GARRE1: variants seen among roughly 807,000 people sequenced by gnomAD.
GARRE1 encodes granule associated Rac and RHOG effector protein 1.
A neutral mutation model predicts 103.2 loss-of-function variants in GARRE1; 49 were observed. The observed-to-expected ratio is 0.47, with a 90% CI of 0.38 to 0.60. GARRE1 has a LOEUF of 0.60. Ranked by LOEUF, GARRE1 falls within the 20% of genes least tolerant of loss-of-function variation. The pLI is 0.00. For synonymous variants in GARRE1, 505 were observed against 532.8 expected (o/e 0.95, Z 0.72); for missense variants, 1,199 against 1,370.5 (o/e 0.87, Z 1.98).
At chr19:34,266,248 T>C (rs960785140) in intron 1 of GARRE1, among the ~76,000 whole-genome samples, 14 of 152,262 alleles carry the variant, frequency 9.2e-5, no homozygotes. Context: ...TCTCTGGGGC[T>C]GTCTTCCCTG....
rs35804155 is a variant in GARRE1, at chr19:34,280,932, GTT to G, written c.-795-18733_-795-18732del. Among the ~76,000 whole-genome samples the G allele has an allele frequency of 8.6e-5, 12 of 139,566 alleles. No individual in the cohort carries two copies. In the East Asian group the frequency reaches 2.1e-3, roughly 24 times the overall value. 91.6% of individuals were successfully genotyped at this position (139,566 alleles called of 152,430 possible). ...ACAATTAAGATGTAAATTCCAGTAGGTTTTTTTTTTTTTTTAGTAGAACTAGG... is the reference window on the plus strand; with the variant it reads ...ACAATTAAGATGTAAATTCCAGTAGGTTTTTTTTTTTTTAGTAGAACTAGG... On this transcript the variant is annotated intron_variant, in intron 1 of 13. Coordinates refer to ENST00000299505, the MANE Select transcript of GARRE1 (RefSeq NM_014686.5).
chr19:34,308,195 C>T lies in GARRE1; in HGVS notation c.495+7227C>T, dbSNP rs537190911. Among the ~76,000 whole-genome samples the T allele has an allele frequency of 8.8e-5, 13 of 147,606 alleles. No individual in the cohort carries two copies. The South Asian group carries it at 2.1e-3, about 24-fold the overall frequency. On this transcript the variant is annotated intron_variant, in intron 2 of 13. Transcript: ENST00000299505. ...ATATTAGAAGCTGGTTTCAAAAATA[C>T]GATTTGCATTAACCTTAATGGAATT... is the stretch of plus-strand genomic sequence containing the variant.
chr19:34,327,900 A>G (rs748566294), intron 5 of GARRE1, 34 bp downstream of exon 5: 16 of 1,612,906 alleles, frequency 9.9e-6, no homozygotes, highest in East Asian at 4.5e-5. Flanking sequence ...CTGGGGACCT[A>G]TGGCGCTGCT....
intron 2 of GARRE1, among the ~76,000 whole-genome samples, chr19:34,317,774 T>C (rs1217634547): frequency 6.6e-6 from 1 of 152,178 alleles, no homozygotes; most frequent in Non-Finnish European, 1.5e-5. Flanking sequence ...CATAGGGTGG[T>C]TCCTGGGATT....
At chr19:34,269,140 T>C (rs1364649564) in intron 1 of GARRE1, among the ~76,000 whole-genome samples, 1 of 152,218 alleles carries the variant, frequency 6.6e-6, no homozygotes, top group African/African-American at 2.4e-5. Context: ...TAAAAGCTCT[T>C]CAGAACCGCT....
intron 2 of GARRE1, among the ~76,000 whole-genome samples, chr19:34,317,777 C>T (rs1483979100): frequency 6.6e-6 from 1 of 152,210 alleles, no homozygotes; most frequent in Non-Finnish European, 1.5e-5. Context: ...AGGGTGGTTC[C>T]TGGGATTGAA....
intron 2 of GARRE1, among the ~76,000 whole-genome samples, chr19:34,308,711 C>G (rs1362851894): frequency 1.3e-5 from 2 of 152,166 alleles, no homozygotes; most frequent in Non-Finnish European, 2.9e-5. Context: ...CATGTGCAAC[C>G]AACTCATTAT....
intron 2 of GARRE1, among the ~76,000 whole-genome samples, chr19:34,319,638 G>A (rs1302595819): frequency 6.6e-6 from 1 of 152,068 alleles, no homozygotes; most frequent in African/African-American, 2.4e-5. Flanking sequence ...AGACAGGATT[G>A]GGGGTTACTT....
intron 1 of GARRE1, among the ~76,000 whole-genome samples, chr19:34,282,516 G>A (rs560467579): frequency 4.4e-4 from 67 of 152,286 alleles, no homozygotes; most frequent in African/African-American, 1.5e-3. Flanking sequence ...TTCTTTTCAG[G>A]TGTTTTTTCT....
At chr19:34,352,199 C>T (rs1041085932) in intron 13 of GARRE1, among the ~76,000 whole-genome samples, 15 of 151,992 alleles carry the variant, frequency 9.9e-5, no homozygotes, top group African/African-American at 2.7e-4. Context: ...GTCAGGAGAT[C>T]GAGACTATCC....
rs376333510 is a variant in GARRE1 at position 34,328,007 on chromosome 19, G to A, written c.960G>A (p.Ala320=). The A allele has an allele frequency of 9.3e-5, 150 of 1,614,112 alleles. 1 individual carries two copies. In the Middle Eastern group the frequency reaches 1.3e-3, roughly 14 times the overall value. Residue 320 remains alanine (A), a synonymous_variant, in exon 6 of 14, where the codon GCG becomes GCA. Coordinates refer to ENST00000299505, the MANE Select transcript of GARRE1 (RefSeq NM_014686.5). ...TTTTCCAGGGCTGCTGCAGCGAGGC[G>A]GAAGCCCAGCAGACGGGGCGGAGGC... ...EASLQGCCSE[A]EAQQTGRRQT...
rs547904037 is a variant in GARRE1 at position 34,325,210 on chromosome 19, C to T, written c.706-2211C>T. Among the ~76,000 whole-genome samples, 30 of 152,270 alleles carry T rather than the reference C, an allele frequency of 2.0e-4. No individual in the cohort carries two copies. In the South Asian group the frequency reaches 6.2e-3, roughly 32 times the overall value. On this transcript the variant is annotated intron_variant, in intron 3 of 13. Coordinates refer to ENST00000299505, the MANE Select transcript of GARRE1 (RefSeq NM_014686.5). The stretch of plus-strand genomic sequence containing the variant: ...ACACAATTTCTGAATGTGAGTTTCT[C>T]CAGGCTCAGTTCTAGCTGCCCTTCT...
In GARRE1 at chr19:34,290,366, GAAGAA is replaced by G. The variant is rs1568531218; in HGVS notation, c.-795-9305_-795-9301del. 2.0e-5 allele frequency among the ~76,000 whole-genome samples: 3 copies of G among 151,876 alleles called. No individual in the cohort carries two copies. In the South Asian group the frequency reaches 6.3e-4, roughly 32 times the overall value. ...GCCAGACCCTGTCTCAAAAAAAAAA[GAAGAA>G]AAGAAAATGCATTTAATATTCCTAA... On this transcript the variant is annotated intron_variant, in intron 1 of 13. Transcript: ENST00000299505.
intron 1 of GARRE1, among the ~76,000 whole-genome samples, chr19:34,265,851 G>A (rs2073748095): frequency 6.6e-6 from 1 of 152,170 alleles, no homozygotes; most frequent in African/African-American, 2.4e-5. Context: ...AGGCACAAGA[G>A]TTAGGCGACT....
intron 1 of GARRE1, among the ~76,000 whole-genome samples, chr19:34,286,045 G>A (rs1218407682): frequency 6.6e-6 from 1 of 152,114 alleles, no homozygotes; most frequent in East Asian, 1.9e-4. Flanking sequence ...CAGAAAAAGA[G>A]TTGTGGCCAG....
intron 1 of GARRE1, among the ~76,000 whole-genome samples, chr19:34,274,463 G>C (rs933209147): frequency 5.9e-5 from 9 of 152,222 alleles, no homozygotes; most frequent in African/African-American, 2.2e-4. Flanking sequence ...GTGAAGAGTA[G>C]AGGATAACTC....
At chr19:34,327,623 G>C (rs1190510585) in intron 4 of GARRE1, 62 bp downstream of exon 4, 3 of 1,575,674 alleles carry the variant, frequency 1.9e-6, no homozygotes, top group Non-Finnish European at 2.6e-6. Flanking sequence ...GGGAGTTAAA[G>C]TTGTGATGTT....
rs185035630 is a variant in GARRE1 at position 34,310,009 on chromosome 19, T to A, written c.495+9041T>A. Among the ~76,000 whole-genome samples the A allele has an allele frequency of 5.9e-5, 9 of 152,290 alleles. No homozygotes were observed. The East Asian group carries it at 1.7e-3, about 29-fold the overall frequency. On this transcript the variant is annotated intron_variant, in intron 2 of 13. Coordinates refer to ENST00000299505, the MANE Select transcript of GARRE1 (RefSeq NM_014686.5). ...CAGCAGGTGGGAGTCAAGGAAAGAATGAAATGTTGCTAATTTTGGGGACTA... is the reference window on the plus strand; with the variant it reads ...CAGCAGGTGGGAGTCAAGGAAAGAAAGAAATGTTGCTAATTTTGGGGACTA...
chr19:34,345,985 G>A (rs1237689090), intron 10 of GARRE1, among the ~76,000 whole-genome samples: 2 of 152,112 alleles, frequency 1.3e-5, no homozygotes, highest in African/African-American at 2.4e-5. Context: ...ACCTTGCCCC[G>A]AGGGCATAAG....
Sources: allele counts gnomAD v4.1 joint callset (sites outside exome capture counted in the v4.1 genomes callset), GRCh38; gene constraint gnomAD v4.1.1; transcripts MANE v1.5; gene names NCBI Gene and HGNC (gene_info 2026-07-23, HGNC 2026-07-21).